Variants in C12orf76 observed in about 807,000 individuals in gnomAD.
C12orf76 encodes the protein chromosome 12 open reading frame 76.
C12orf76 carries 6 observed loss-of-function variants against 6.8 expected under a neutral mutation model. The observed-to-expected ratio is 0.88, with a 90% CI of 0.48 to 1.73. The LOEUF (loss-of-function observed/expected upper bound fraction) is 1.73, where lower values mean the gene tolerates loss of function less well. Ranked by LOEUF, C12orf76 falls within the 40% of genes most tolerant of loss-of-function variation. The probability of loss-of-function intolerance (pLI) is 0.01; values close to 1 mark genes in which losing one functional copy is unlikely to be tolerated. For synonymous variants in C12orf76, 56 were observed against 43.7 expected (o/e 1.28, Z -1.11); for missense variants, 99 against 98.2 (o/e 1.01, Z -0.03).
chr12:110,066,180 T>C, intron 1 of C12orf76: 1 of 1,166,362 alleles, frequency 8.6e-7, no homozygotes, highest in Non-Finnish European at 1.1e-6. Flanking sequence ...AAGACCAGCC[T>C]GGCCAACATG....
intron 4 of C12orf76, chr12:110,057,084 G>A: frequency 4.1e-6 from 3 of 739,000 alleles, no homozygotes; most frequent in Non-Finnish European, 4.8e-6. Flanking sequence ...CCCTCAGGCT[G>A]CTTGTGCTGG....
At chr12:110,048,777 A>G (rs1892520763), upstream of C12orf76, 4 of 675,054 alleles carry the variant, frequency 5.9e-6, no homozygotes, top group African/African-American at 5.6e-5. Context: ...GCGTTCCCTC[A>G]TCCATTGGGG....
At chr12:110,062,788 A>ATTTTTT (rs71079597) in intron 2 of C12orf76, among the ~76,000 whole-genome samples, 3 of 63,392 alleles carry the variant, frequency 4.7e-5, no homozygotes, top group Admixed American at 2.1e-4. Flanking sequence ...CCCAGCTAAT[A>ATTTTTT]TTTTTTTTTT....
chr12:110,066,128 T>A lies in C12orf76; in HGVS notation n.207-95A>T, dbSNP rs577579750. 8.1e-4 allele frequency: 1,110 copies of A among 1,365,268 alleles called. 3 individuals carry two copies. Among genetic ancestry groups the A allele is most frequent in the Non-Finnish European group, 9.9e-4 (1,048 of 1,055,010 alleles). 84.6% of individuals were successfully genotyped at this position (1,365,268 alleles called of 1,614,324 possible). ...CAGGCCGGGCGCGGTAGCTCACAAT[T>A]TGGGAGGCCGAGGCAGGCGGATCAC... On this transcript the variant is annotated intron_variant and non_coding_transcript_variant, in intron 1 of 4. Coordinates refer to the C12orf76 transcript ENST00000309050.
At chr12:110,068,370 G>A (rs1262338183), upstream of C12orf76, among the ~76,000 whole-genome samples, 2 of 151,972 alleles carry the variant, frequency 1.3e-5, no homozygotes, top group Non-Finnish European at 2.9e-5. Flanking sequence ...GACGTAGGGA[G>A]AGAGAACCTA....
chr12:110,068,267 AG>A (rs1253931002), upstream of C12orf76, among the ~76,000 whole-genome samples: 1 of 123,284 alleles, frequency 8.1e-6, no homozygotes, highest in Non-Finnish European at 1.8e-5. Context: ...AAGAAGAAGA[AG>A]AAGAAGAAGA....
upstream of C12orf76, among the ~76,000 whole-genome samples, chr12:110,068,324 A>AGAAGAAGAG (rs1566080316): frequency 2.9e-5 from 4 of 137,274 alleles, no homozygotes; most frequent in South Asian, 6.8e-4. Context: ...AAGAAGAAGA[A>AGAAGAAGAG]GAAGAAGGCG....
At chr12:110,069,949 C>G (rs1451745605), upstream of C12orf76, among the ~76,000 whole-genome samples, 1 of 151,994 alleles carries the variant, frequency 6.6e-6, no homozygotes, top group Non-Finnish European at 1.5e-5. Flanking sequence ...ATACAATGAT[C>G]TGCTTTTAAA....
upstream of C12orf76, among the ~76,000 whole-genome samples, chr12:110,068,346 G>C (rs1892918629): frequency 6.6e-6 from 1 of 151,300 alleles, no homozygotes. Flanking sequence ...CCAAATAGAA[G>C]CAAATGGAAC....
chr12:110,068,259 G>GAAGAAGAA (rs1892905753), upstream of C12orf76, among the ~76,000 whole-genome samples: 1 of 86,284 alleles, frequency 1.2e-5, no homozygotes, highest in African/African-American at 4.6e-5. Context: ...AGAAGAAGAA[G>GAAGAAGAA]AAGAAGAAGA....
At chr12:110,062,333 G>A (rs1892784317) in intron 2 of C12orf76, among the ~76,000 whole-genome samples, 2 of 152,176 alleles carry the variant, frequency 1.3e-5, no homozygotes, top group Admixed American at 1.3e-4. Flanking sequence ...TTACTCTGCT[G>A]AATTTAAGAA....
rs182698475 is a variant in C12orf76, at chr12:110,044,836, G to A, written c.134-2377C>T. ...TGAAAATACAAAATTAGCTGGGCGT[G>A]ATGGTGCATGCCTGTAATCCCAGCT... On this transcript the variant is annotated intron_variant, in intron 1 of 1. Transcript: ENST00000615315. 2.5e-3 allele frequency among the ~76,000 whole-genome samples: 375 copies of A among 152,152 alleles called. 1 individual carries two copies. Among genetic ancestry groups the A allele is most frequent in the African/African-American group, 8.6e-3 (359 of 41,510 alleles).
intron 4 of C12orf76, among the ~76,000 whole-genome samples, chr12:110,055,770 G>C (rs1892656773): frequency 6.6e-6 from 1 of 152,136 alleles, no homozygotes; most frequent in African/African-American, 2.4e-5. Context: ...TGAAATCATA[G>C]GGAGTCGAAG....
upstream of C12orf76, chr12:110,049,163 G>C (rs1389525474): frequency 6.6e-6 from 1 of 152,340 alleles, no homozygotes; most frequent in East Asian, 1.9e-4. Context: ...GGGAGAGAGA[G>C]ACCCTCTCAT....
At position 110,054,399 on chromosome 12, in the gene C12orf76, TC is replaced by T. The variant is rs780219252; in HGVS notation, n.664+2789del. On this transcript the variant is annotated intron_variant and non_coding_transcript_variant, in intron 4 of 4. Transcript: ENST00000309050. This position sits in a 1 kb window ranked among gnomAD's most constrained non-coding sequence, Gnocchi z 4.4. ...CAGGGTACTCATACATGCTATTACATCGATGAACCTTGAAAACATTATGTCT... is the reference window on the plus strand; with the variant it reads ...CAGGGTACTCATACATGCTATTACATGATGAACCTTGAAAACATTATGTCT... Among the ~76,000 whole-genome samples, 22 of 152,200 alleles carry T rather than the reference TC, an allele frequency of 1.4e-4. No homozygotes were observed. The highest frequency in any genetic ancestry group is 3.2e-4 in the Non-Finnish European group (22 of 68,038).
intron 2 of C12orf76, among the ~76,000 whole-genome samples, chr12:110,060,600 C>T (rs2137233108): frequency 6.6e-6 from 1 of 152,262 alleles, no homozygotes; most frequent in Middle Eastern, 3.4e-3. Flanking sequence ...TTGGGGACTT[C>T]AGCACTCCCA....
intron 4 of C12orf76, chr12:110,057,094 G>T: frequency 1.2e-6 from 1 of 804,942 alleles, no homozygotes; most frequent in South Asian, 1.5e-5. Flanking sequence ...GCTTGTGCTG[G>T]ACTCACCAGA....
At chr12:110,065,759 C>A in intron 2 of C12orf76, 1 of 1,600,654 alleles carries the variant, frequency 6.2e-7, no homozygotes, top group South Asian at 1.1e-5. Context: ...GGTTTCACTT[C>A]TCTGCATAAT....
intron 1 of C12orf76, among the ~76,000 whole-genome samples, chr12:110,048,013 C>A (rs1480222540): frequency 6.6e-6 from 1 of 152,020 alleles, no homozygotes; most frequent in Non-Finnish European, 1.5e-5. Flanking sequence ...CCAGCCTGGC[C>A]AACATAGTGA....
Sources: gnomAD v4.1 joint callset for allele counts (sites outside exome capture counted in the v4.1 genomes callset) on GRCh38, gnomAD v4.1.1 for gene constraint, Gnocchi (gnomAD v3.1) non-coding constraint, MANE v1.5 for transcripts, NCBI Gene and HGNC (gene_info 2026-07-23, HGNC 2026-07-21) for gene names.